Variants in N4BP2L2 observed in about 807,000 individuals in gnomAD.
N4BP2L2 encodes the protein NEDD4 binding protein 2 like 2.
Under a neutral mutation model 56.2 loss-of-function variants are expected in N4BP2L2, and 50 were observed. That is an observed-to-expected ratio of 0.89 (90% confidence interval 0.71 to 1.13). The LOEUF (loss-of-function observed/expected upper bound fraction) is 1.13. Ranked by LOEUF, N4BP2L2 falls within the 50% of genes most tolerant of loss-of-function variation. N4BP2L2 has a pLI of 0.00. For synonymous variants in N4BP2L2, 203 were observed against 223.6 expected (o/e 0.91, Z 0.82); for missense variants, 689 against 693.8 (o/e 0.99, Z 0.08).
At chr13:32,458,856 C>T (rs747975041) in intron 6 of N4BP2L2, among the ~76,000 whole-genome samples, 8 of 152,254 alleles carry the variant, frequency 5.3e-5, no homozygotes, top group South Asian at 2.1e-4. Context: ...CATCAGCACA[C>T]GTAACATTCT....
At chr13:32,464,025 C>A (rs774720636) in intron 6 of N4BP2L2, among the ~76,000 whole-genome samples, 10 of 145,940 alleles carry the variant, frequency 6.9e-5, no homozygotes, top group African/African-American at 1.0e-4. Context: ...ACAACAACAA[C>A]AAAAAAGACT....
exon 6 of N4BP2L2, chr13:32,516,322 C>T (rs2049198260): frequency 6.6e-6 from 1 of 152,066 alleles, no homozygotes; most frequent in South Asian, 2.1e-4. Context: ...ATTCTTACAT[C>T]GTAGTTAAGA....
intron 6 of N4BP2L2, among the ~76,000 whole-genome samples, chr13:32,496,201 T>A (rs2139445780): frequency 7.4e-6 from 1 of 134,456 alleles, no homozygotes; most frequent in South Asian, 2.2e-4. Context: ...GCTACCTATT[T>A]TTTATTTTTT....
intron 6 of N4BP2L2, among the ~76,000 whole-genome samples, chr13:32,491,181 G>A (rs768294104): frequency 1.3e-5 from 2 of 151,998 alleles, no homozygotes; most frequent in Non-Finnish European, 2.9e-5. Context: ...TTTGCTATTT[G>A]GAGGAGGTCT....
chr13:32,447,592 G>C (rs1466975619), intron 6 of N4BP2L2, among the ~76,000 whole-genome samples: 1 of 152,218 alleles, frequency 6.6e-6, no homozygotes, highest in African/African-American at 2.4e-5. Context: ...ATAAAAGTCT[G>C]CAAGATATGG....
intron 6 of N4BP2L2, among the ~76,000 whole-genome samples, chr13:32,490,745 G>C (rs978674475): frequency 5.3e-5 from 8 of 152,126 alleles, no homozygotes; most frequent in Non-Finnish European, 1.2e-4. Context: ...CAGCAACCTA[G>C]ATCTCTCACA....
rs971901821 is a variant in N4BP2L2, at chr13:32,478,017, C to T, written c.366-33891G>A. 3 of 1,289,320 alleles carry T rather than the reference C, an allele frequency of 2.3e-6. No individual in the cohort carries two copies. In the South Asian group the frequency reaches 3.7e-5, roughly 16 times the overall value. The allele number at this position is 1,289,320 out of a possible 1,614,324, so 79.9% of individuals were successfully genotyped here. ...ACATACTGGTGTTCATCATCTTGTA[C>T]CAGAACCTCATCCCCATTAGTCTGC... On this transcript the variant is annotated intron_variant, in intron 6 of 9. Coordinates refer to the N4BP2L2 transcript ENST00000357505.
downstream of N4BP2L2, among the ~76,000 whole-genome samples, chr13:32,509,964 A>G (rs533101231): frequency 1.1e-4 from 17 of 152,326 alleles, no homozygotes; most frequent in East Asian, 3.3e-3. Context: ...AATACCCAAC[A>G]GTAAGAATTC....
At chr13:32,467,867 G>GTA (rs1456219583) in intron 6 of N4BP2L2, among the ~76,000 whole-genome samples, 2 of 150,948 alleles carry the variant, frequency 1.3e-5, no homozygotes, top group African/African-American at 4.9e-5. Flanking sequence ...GCGGGTGCCT[G>GTA]TAATCCCAGC....
At chr13:32,464,890 A>G (rs1436357418) in intron 6 of N4BP2L2, among the ~76,000 whole-genome samples, 1 of 152,218 alleles carries the variant, frequency 6.6e-6, no homozygotes, top group Non-Finnish European at 1.5e-5. Flanking sequence ...CCACAATAAG[A>G]TAAAATTTCA....
intron 2 of N4BP2L2, among the ~76,000 whole-genome samples, chr13:32,528,259 T>A (rs1045544202): frequency 2.0e-5 from 3 of 152,202 alleles, no homozygotes; most frequent in Non-Finnish European, 4.4e-5. Flanking sequence ...AAAAACCATA[T>A]GTGACTCTAG....
intron 6 of N4BP2L2, among the ~76,000 whole-genome samples, chr13:32,495,868 G>C (rs1220046998): frequency 6.6e-6 from 1 of 152,230 alleles, no homozygotes. Flanking sequence ...ATTTTCAGTA[G>C]AGATGGGGTT....
At position 32,522,207 on chromosome 13, in the gene N4BP2L2, C is replaced by T. The variant is rs772703254; in HGVS notation, c.1448G>A (p.Trp483Ter). 1.3e-6 allele frequency: 2 copies of T among 1,569,986 alleles called. No individual in the cohort carries two copies. Among genetic ancestry groups the T allele is most frequent in the Non-Finnish European group, 1.7e-6 (2 of 1,159,480 alleles). ...CACTTCCACATATGGCTTCATTTCC[C>T]AAGCTTGTATATTAGTGTTATCTAT... Residue 483 changes from tryptophan (W) to a stop codon, truncating the protein, a stop_gained, in exon 4 of 6, where the codon TGG (tryptophan) becomes TAG (stop). Coordinates refer to ENST00000267068, the Ensembl canonical transcript of N4BP2L2. LOFTEE classifies it high-confidence loss of function.
chr13:32,521,584 T>C (rs999724957), intron 4 of N4BP2L2, 135 bp from the exon 5 acceptor site: 4 of 609,976 alleles, frequency 6.6e-6, no homozygotes, highest in Non-Finnish European at 1.2e-5. Flanking sequence ...TATAAAATAA[T>C]ATGGTTTATA....
chr13:32,535,694 G>A, intron 2 of N4BP2L2, 75 bp downstream of exon 2: 1 of 1,483,142 alleles, frequency 6.7e-7, no homozygotes, highest in Non-Finnish European at 9.1e-7. Context: ...ATGAGTCACT[G>A]CAGCCGGCGA....
chr13:32,517,861 G>C, exon 6 of N4BP2L2: 1 of 1,614,036 alleles, frequency 6.2e-7, no homozygotes. Flanking sequence ...CCCCACCTCT[G>C]TCTCCCCTGT....
At chr13:32,536,597 T>C (rs1435420137) in exon 2 of N4BP2L2, 1 of 1,613,936 alleles carries the variant, frequency 6.2e-7, no homozygotes, top group Admixed American at 1.7e-5. Flanking sequence ...ATTTAGAACA[T>C]GTGCCTCATT....
At chr13:32,502,213 A>C (rs1254621099) in intron 6 of N4BP2L2, among the ~76,000 whole-genome samples, 1 of 151,928 alleles carries the variant, frequency 6.6e-6, no homozygotes, top group Non-Finnish European at 1.5e-5. Flanking sequence ...ACAGGCATGC[A>C]CCACCACATC....
At chr13:32,535,924 G>C in exon 2 of N4BP2L2, 1 of 1,614,008 alleles carries the variant, frequency 6.2e-7, no homozygotes, top group Non-Finnish European at 8.5e-7. Context: ...ATCTTTCTCT[G>C]ACTTCACAGA....
Sources: allele counts gnomAD v4.1 joint callset (sites outside exome capture counted in the v4.1 genomes callset), GRCh38; gene constraint gnomAD v4.1.1; transcripts MANE v1.5; gene names NCBI Gene and HGNC (gene_info 2026-07-23, HGNC 2026-07-21).